The following GTF3C1 variants were observed in gnomAD, a reference collection of about 807,000 sequenced individuals.
GTF3C1 encodes general transcription factor IIIC subunit 1.
Under a neutral mutation model 226.7 loss-of-function variants are expected in GTF3C1, and 57 were observed. The ratio of observed to expected loss-of-function variants is 0.25; its 90% CI spans 0.20 to 0.31. The LOEUF is 0.31. Ranked by LOEUF, GTF3C1 falls within the 10% of genes least tolerant of loss-of-function variation. The probability of loss-of-function intolerance (pLI) is 1.00; values close to 1 mark genes in which losing one functional copy is unlikely to be tolerated. For synonymous variants in GTF3C1, 1,090 were observed against 1,084.8 expected (o/e 1.00, Z -0.09); for missense variants, 2,217 against 2,776.1 (o/e 0.80, Z 4.53).
In GTF3C1 at chr16:27,488,635, C is replaced by G. The variant is rs560536443; in HGVS notation, c.3430G>C (p.Glu1144Gln). ...AGTCCATTCTCTGCGGCAGTGTTCT[C>G]CTGTGAGACAAGCACAGCACTGGGA... Reference protein sequence around the residue: ...TSYIINQAKKENTAAENGLTV... With the variant: ...TSYIINQAKKQNTAAENGLTV... Residue 1144 changes from glutamate to glutamine, a missense_variant and splice_region_variant, in exon 22 of 37, where the codon GAG becomes CAG. By Grantham distance (29) the Glu-to-Gln change is conservative. This residue lies in a region of GTF3C1 where 546 missense variants were observed against 663.0 expected (regional missense o/e 0.82). Coordinates refer to ENST00000356183, the MANE Select transcript of GTF3C1 (RefSeq NM_001520.4). The G allele has an allele frequency of 6.2e-7, 1 of 1,611,540 alleles. No individual in the cohort carries two copies. Among genetic ancestry groups the G allele is most frequent in the East Asian group, 2.2e-5 (1 of 44,870 alleles).
At chr16:27,537,967 AGTTTTAT>A in intron 3 of GTF3C1, 40 bp from the exon 4 acceptor site, 2 of 1,602,660 alleles carry the variant, frequency 1.2e-6, no homozygotes, top group Non-Finnish European at 1.7e-6. Context: ...CTTTGCTGGT[AGTTTTAT>A]CAATGTATAG....
intron 2 of GTF3C1, among the ~76,000 whole-genome samples, chr16:27,539,564 G>A (rs1445829760): frequency 6.6e-6 from 1 of 152,214 alleles, no homozygotes; most frequent in African/African-American, 2.4e-5. Flanking sequence ...GATCCCATAA[G>A]GATGTGCTGC....
At chr16:27,539,317 A>G (rs532814223) in intron 2 of GTF3C1, among the ~76,000 whole-genome samples, 1 of 152,310 alleles carries the variant, frequency 6.6e-6, no homozygotes, top group South Asian at 2.1e-4. Flanking sequence ...ACATGTGAGA[A>G]AGAATGCACC....
At position 27,464,396 on chromosome 16, in the gene GTF3C1, G is replaced by A. The variant is rs774236589; in HGVS notation, c.5796C>T (p.Val1932=). Residue 1932 remains valine, a synonymous_variant, in exon 34 of 37, where the codon GTC becomes GTT. Coordinates refer to ENST00000356183, the MANE Select transcript of GTF3C1 (RefSeq NM_001520.4). ...AGAAQEDQEG[V]GEFSSPGQEQ... ...CTTGGCCTGGGGAACTGAACTCACC[G>A]ACACCCTCTTGGTCTTCCTGTGCTG... 38 of 1,597,976 alleles carry A rather than the reference G, an allele frequency of 2.4e-5. No homozygotes were observed. Among genetic ancestry groups the A allele is most frequent in the Admixed American group, 1.1e-4 (6 of 57,138 alleles).
chr16:27,488,439 C>G (rs1220708362), intron 22 of GTF3C1, 24 bp from the exon 23 acceptor site: 1 of 1,594,478 alleles, frequency 6.3e-7, no homozygotes. Context: ...CAGGAGACAA[C>G]AGTTTCAGGA....
At chr16:27,493,432 C>T in intron 16 of GTF3C1, 136 bp from the exon 17 acceptor site, 1 of 635,294 alleles carries the variant, frequency 1.6e-6, no homozygotes, top group Non-Finnish European at 2.9e-6. Context: ...CCTGCCCCAC[C>T]AAGTGCCCCT....
At chr16:27,517,751 T>C (rs1312520102) in intron 6 of GTF3C1, among the ~76,000 whole-genome samples, 1 of 152,214 alleles carries the variant, frequency 6.6e-6, no homozygotes, top group East Asian at 1.9e-4. Context: ...AGCCATTGTG[T>C]TCGGTGTTTT....
At chr16:27,499,925 A>C (rs1178765163) in intron 12 of GTF3C1, among the ~76,000 whole-genome samples, 1 of 152,210 alleles carries the variant, frequency 6.6e-6, no homozygotes, top group Non-Finnish European at 1.5e-5. Flanking sequence ...AGTCACATGC[A>C]CACGACGGAA....
chr16:27,485,130 G>T (rs2088117818), intron 24 of GTF3C1, among the ~76,000 whole-genome samples: 1 of 152,252 alleles, frequency 6.6e-6, no homozygotes, highest in African/African-American at 2.4e-5. Context: ...TTCAGGAGAG[G>T]ACTGAGGGAT....
At position 27,465,304 on chromosome 16, in the gene GTF3C1, T is replaced by G. The variant is rs1187646389; in HGVS notation, c.5311A>C (p.Lys1771Gln). The G allele has an allele frequency of 7.4e-6, 12 of 1,613,902 alleles. No homozygotes were observed. In the African/African-American group the frequency reaches 1.3e-4, roughly 18 times the overall value. Residue 1771 changes from lysine (K) to glutamine (Q), a missense_variant, in exon 33 of 37, where the codon AAG (lysine) becomes CAG (glutamine). By Grantham distance (53) the Lys-to-Gln change is moderately conservative. Around this residue, in one of 12 missense-constraint regions of GTF3C1, gnomAD observed 455 missense variants for 441.9 expected, o/e 1.03. Transcript: ENST00000356183. ...GTCCTGGTGCGCCCACCACCTGCCT[T>G]CTCCAAGGCCGAGAACCGTCTGCGC... ...ELRRRFSALE[K>Q]AGGGRTRTFA...
intron 34 of GTF3C1, 194 bp downstream of exon 34, chr16:27,464,126 T>A (rs2141339081): frequency 2.2e-6 from 1 of 454,226 alleles, no homozygotes; most frequent in African/African-American, 2.0e-5. Context: ...GTGGGAGGCC[T>A]GCCCTCCCCT....
chr16:27,485,243 C>A (rs905945568), intron 24 of GTF3C1, among the ~76,000 whole-genome samples: 1 of 152,240 alleles, frequency 6.6e-6, no homozygotes, highest in Admixed American at 6.5e-5. Flanking sequence ...CCTGGCCTGG[C>A]TGAGACCCGG....
intron 29 of GTF3C1, among the ~76,000 whole-genome samples, chr16:27,475,942 G>C (rs569645628): frequency 1.3e-5 from 2 of 152,166 alleles, no homozygotes; most frequent in Non-Finnish European, 2.9e-5. Context: ...AAAAACCTCA[G>C]CTCTGGGAGG....
chr16:27,527,418 A>G lies in GTF3C1; in HGVS notation c.973+1180T>C, dbSNP rs149106230. ...GGCTGGTCTCCAACTCCAGACCTCA[A>G]GTGATCTGCCCACCTGAGCCTCCCA... is the stretch of plus-strand genomic sequence containing the variant. On this transcript the variant is annotated intron_variant, in intron 6 of 36. Transcript: ENST00000356183. Among the ~76,000 whole-genome samples the G allele has an allele frequency of 3.2e-4, 48 of 152,288 alleles. 1 individual carries two copies. The highest frequency in any genetic ancestry group is 8.7e-4 in the African/African-American group (36 of 41,590).
intron 14 of GTF3C1, among the ~76,000 whole-genome samples, chr16:27,496,729 T>C (rs1386991840): frequency 1.3e-5 from 2 of 152,220 alleles, no homozygotes; most frequent in Non-Finnish European, 2.9e-5. Flanking sequence ...AAGGGGCTTA[T>C]TTCTTTGTTG....
rs1316958578 is a variant in GTF3C1 at position 27,489,661 on chromosome 16, C to T, written c.3234G>A (p.Gln1078=). ...GGTTGTGCTTGTCCATGGCGCTCTC[C>T]TGCTCCTTCTGCAGGCTGCCCTCCT... is the stretch of plus-strand genomic sequence containing the variant. ...SDEEGSLQKE[Q]ESAMDKHNLE... is the part of the protein sequence containing the mutation. The change falls in exon 20 of 37, where the codon CAG becomes CAA. Residue 1078 remains glutamine, a synonymous_variant. Transcript: ENST00000356183. 1.9e-6 allele frequency: 3 copies of T among 1,611,960 alleles called. No individual in the cohort carries two copies. Among genetic ancestry groups the T allele is most frequent in the Middle Eastern group, 1.6e-4 (1 of 6,062 alleles).
At chr16:27,533,254 C>T (rs1201799752) in intron 5 of GTF3C1, 37 bp downstream of exon 5, 3 of 1,048,934 alleles carry the variant, frequency 2.9e-6, no homozygotes, top group Non-Finnish European at 4.5e-6. Context: ...TGGTACAGAT[C>T]ACACCCAGCC....
In GTF3C1 at chr16:27,492,434, G is replaced by A. The variant is rs764375333; in HGVS notation, c.3055C>T (p.Arg1019Trp). The A allele has an allele frequency of 4.3e-6, 7 of 1,609,402 alleles. No homozygotes were observed. Among genetic ancestry groups the A allele is most frequent in the Middle Eastern group, 1.7e-4 (1 of 5,978 alleles). Residue 1019 changes from arginine (R) to tryptophan (W), a missense_variant, in exon 19 of 37, where the codon CGG (arginine) becomes TGG (tryptophan). Arg to Trp is a moderately radical substitution (Grantham distance 101, BLOSUM62 -3). Coordinates refer to ENST00000356183, the MANE Select transcript of GTF3C1 (RefSeq NM_001520.4). This position sits in a 1 kb window ranked among gnomAD's most constrained non-coding sequence, Gnocchi z 5.0. ...ACATAGAGGCGCCTCTCGAAGGGCC[G>A]GCTGCTGCGGGCCAGGTTGTAATGT... ...DPHYNLARSS[R>W]PFERRLYVLN...
At chr16:27,548,561 G>A (rs1467488148) in intron 1 of GTF3C1, among the ~76,000 whole-genome samples, 2 of 152,140 alleles carry the variant, frequency 1.3e-5, no homozygotes, top group East Asian at 1.9e-4. Flanking sequence ...TGCTGCACCC[G>A]GCCTGTCTTG....
Sources: gnomAD v4.1 joint callset for allele counts (sites outside exome capture counted in the v4.1 genomes callset) on GRCh38, gnomAD v4.1.1 for gene constraint, gnomAD v4.1.1 regional missense constraint, Gnocchi (gnomAD v3.1) non-coding constraint, MANE v1.5 for transcripts, NCBI Gene and HGNC (gene_info 2026-07-23, HGNC 2026-07-21) for gene names.